Variants in BCL9 observed in about 807,000 individuals in gnomAD.
BCL9 encodes the protein B-cell CLL/lymphoma 9 protein.
Under a neutral mutation model 88.5 loss-of-function variants are expected in BCL9, and 25 were observed. The observed-to-expected ratio is 0.28, with a 90% CI of 0.21 to 0.39. The LOEUF (loss-of-function observed/expected upper bound fraction) is 0.39. BCL9 is among the 10% of genes least tolerant of loss of function. BCL9 has a pLI of 1.00. For synonymous variants in BCL9, 711 were observed against 673.3 expected, an observed-to-expected ratio of 1.06 and a Z score of -0.87; for missense variants, 1,817 against 1,877.8, an observed-to-expected ratio of 0.97 and a Z score of 0.60.
chr1:147,567,058 G>A (rs1236057060), intron 1 of BCL9, among the ~76,000 whole-genome samples: 1 of 152,134 alleles, frequency 6.6e-6, no homozygotes, highest in Admixed American at 6.5e-5. Context: ...TGGGTAAGGA[G>A]TTCATTCCAA....
chr1:147,561,278 G>A (rs587733368), intron 1 of BCL9, among the ~76,000 whole-genome samples: 27 of 152,236 alleles, frequency 1.8e-4, no homozygotes, highest in South Asian at 6.2e-4. Context: ...AACCTACCAC[G>A]GGGATTGAAG....
At chr1:147,571,881 T>C (rs782665467) in intron 1 of BCL9, among the ~76,000 whole-genome samples, 2 of 152,176 alleles carry the variant, frequency 1.3e-5, no homozygotes, top group Non-Finnish European at 2.9e-5. Context: ...AGGACTCTAT[T>C]CATTTTCTCT....
chr1:147,598,950 T>G (rs782343179), intron 1 of BCL9, among the ~76,000 whole-genome samples: 5 of 152,214 alleles, frequency 3.3e-5, no homozygotes, highest in Admixed American at 1.3e-4. Context: ...TGCCGTCATT[T>G]TTTCCTTCTG....
rs187405129 is a variant in BCL9 at position 147,626,128 on chromosome 1, C to T, written c.*1169C>T. The stretch of plus-strand genomic sequence containing the variant: ...TTTCCTCCCCCTCCCATGCGTAAGA[C>T]GTTCTGTGTAACCTCCATTAAATTT... On this transcript the variant is annotated 3_prime_UTR_variant, in exon 10 of 10. Transcript: ENST00000234739. The T allele has an allele frequency of 4.3e-5, 9 of 210,706 alleles. No homozygotes were observed. The highest frequency in any genetic ancestry group is 2.4e-4 in the Admixed American group (4 of 16,868). 13.1% of individuals were successfully genotyped at this position (210,706 alleles called of 1,614,324 possible). A position where few individuals can be genotyped will look rare whatever the true frequency, so the allele number is the denominator to read the frequency against.
At chr1:147,588,608 G>C (rs1189323532) in intron 1 of BCL9, among the ~76,000 whole-genome samples, 2 of 152,140 alleles carry the variant, frequency 1.3e-5, no homozygotes, top group Admixed American at 1.3e-4. Flanking sequence ...GGGGTGGGGC[G>C]AGGCCAGGAG....
chr1:147,544,405 CCTCT>C (rs113842878), intron 1 of BCL9, among the ~76,000 whole-genome samples: 14,348 of 152,072 alleles, frequency 0.094, 1,632 homozygotes, highest in African/African-American at 0.28. Flanking sequence ...ATTCTCCTTC[CCTCT>C]CTCACCATCC....
chr1:147,618,847 C>T lies in BCL9; in HGVS notation c.692C>T (p.Pro231Leu), dbSNP rs151130866. The change falls in exon 8 of 10, where the codon CCG becomes CTG. Residue 231 changes from proline to leucine, a missense_variant. Pro to Leu is a moderately conservative substitution (Grantham distance 98). Coordinates refer to ENST00000234739, the MANE Select transcript of BCL9 (RefSeq NM_004326.4). ...NTQISALRND[P>L]KPLPQQPPAP... ...CAGATATCTGCCCTTCGGAATGATC[C>T]GAAACCTCTCCCACAACAGCCCCCA... The T allele has an allele frequency of 2.3e-5, 36 of 1,581,390 alleles. No individual in the cohort carries two copies. The highest frequency in any genetic ancestry group is 5.9e-5 in the South Asian group (5 of 85,382).
intron 1 of BCL9, among the ~76,000 whole-genome samples, chr1:147,580,748 G>GTCC (rs1656328481): frequency 6.6e-6 from 1 of 152,100 alleles, no homozygotes; most frequent in Non-Finnish European, 1.5e-5. Context: ...TGTTTTCCTG[G>GTCC]TGGAGACCTT....
At chr1:147,560,675 G>A (rs1192788772) in intron 1 of BCL9, among the ~76,000 whole-genome samples, 1 of 151,692 alleles carries the variant, frequency 6.6e-6, no homozygotes, top group African/African-American at 2.4e-5. Flanking sequence ...GGGAGGCTAA[G>A]GGGGGTTGTG....
At chr1:147,614,040 C>A (rs912801507) in intron 5 of BCL9, among the ~76,000 whole-genome samples, 1 of 152,086 alleles carries the variant, frequency 6.6e-6, no homozygotes, top group Non-Finnish European at 1.5e-5. Context: ...AGCTGTTGTC[C>A]TCAAAGATTT....
At chr1:147,597,657 G>A (rs1428149620) in intron 1 of BCL9, among the ~76,000 whole-genome samples, 1 of 152,076 alleles carries the variant, frequency 6.6e-6, no homozygotes, top group Non-Finnish European at 1.5e-5. Context: ...AATTCAGAGG[G>A]CAAAAATTCT....
rs1658098238 is a variant in BCL9 at position 147,613,135 on chromosome 1, T to A, written c.306T>A (p.Ser102Arg). 1.2e-6 allele frequency: 2 copies of A among 1,614,098 alleles called. No homozygotes were observed. The highest frequency in any genetic ancestry group is 2.2e-5 in the South Asian group (2 of 91,076). ...AGGGCAAGGGGAAAAGGGAGCGAAG[T>A]ATTTCCGCCGACTCCTTTGATCAGA... ...GAKGKGKRER[S>R]ISADSFDQRD... Residue 102 changes from serine (S) to arginine (R), a missense_variant, in exon 5 of 10, where the codon AGT (serine) becomes AGA (arginine). Transcript: ENST00000234739.
chr1:147,576,727 T>C (rs1407210043), intron 1 of BCL9, among the ~76,000 whole-genome samples: 1 of 152,186 alleles, frequency 6.6e-6, no homozygotes, highest in African/African-American at 2.4e-5. Context: ...GAAGCCAAGC[T>C]GATAGGTTCC....
intron 1 of BCL9, among the ~76,000 whole-genome samples, chr1:147,582,504 T>G (rs1656410915): frequency 6.6e-6 from 1 of 152,190 alleles, no homozygotes. Flanking sequence ...GCCAAATTGA[T>G]TTCCAGAAAT....
rs1280749028 is a variant in BCL9, at chr1:147,625,950, C to T, written c.*991C>T. Reference sequence around the variant, plus strand: ...GTCTTTTTTCCCCCTAAGTCTTTCTCTTTCCCATCATACCCTTCCCTGCCC... The same window carrying T: ...GTCTTTTTTCCCCCTAAGTCTTTCTTTTTCCCATCATACCCTTCCCTGCCC... On this transcript the variant is annotated 3_prime_UTR_variant, in exon 10 of 10. Transcript: ENST00000234739. The T allele has an allele frequency of 4.3e-6, 1 of 232,704 alleles. No individual in the cohort carries two copies. Among genetic ancestry groups the T allele is most frequent in the African/African-American group, 2.2e-5 (1 of 45,284 alleles). 14.4% of individuals were successfully genotyped at this position (232,704 alleles called of 1,614,324 possible).
intron 7 of BCL9, among the ~76,000 whole-genome samples, chr1:147,618,423 A>G (rs1400645933): frequency 6.6e-6 from 1 of 152,182 alleles, no homozygotes; most frequent in Non-Finnish European, 1.5e-5. Context: ...CAGGGAAAAG[A>G]AAAAGGTGTT....
chr1:147,578,514 G>A (rs928214209), intron 1 of BCL9, among the ~76,000 whole-genome samples: 7 of 152,102 alleles, frequency 4.6e-5, no homozygotes, highest in Non-Finnish European at 8.8e-5. Flanking sequence ...TCAGGTATAT[G>A]CAAATATTTC....
At position 147,624,649 on chromosome 1, in the gene BCL9, A is replaced by T. The variant is rs1553206184; in HGVS notation, c.3971A>T (p.Gln1324Leu). ...NPMRPPAFLQQGMMGPHHRMM... is the reference protein window; with the variant it reads ...NPMRPPAFLQLGMMGPHHRMM... ...ATGAGACCACCAGCCTTTCTCCAAC[A>T]AGGCATGATGGGACCTCACCATCGG... is the stretch of plus-strand genomic sequence containing the variant. The change falls in exon 10 of 10, where the codon CAA becomes CTA. Residue 1324 changes from glutamine (Q) to leucine (L), a missense_variant. Physicochemically the swap from Gln to Leu is moderately radical, Grantham distance 113 (BLOSUM62 -2). Around this residue, in one of 2 missense-constraint regions of BCL9, gnomAD observed 589 missense variants for 686.2 expected, o/e 0.86. Transcript: ENST00000234739. This position sits in a 1 kb window ranked among gnomAD's most constrained non-coding sequence, Gnocchi z 4.4. The T allele has an allele frequency of 1.2e-6, 2 of 1,614,156 alleles. No homozygotes were observed. The highest frequency in any genetic ancestry group is 2.2e-5 in the South Asian group (2 of 91,076).
Position 147,624,438 on chromosome 1 carries a change from C to T in BCL9, c.3760C>T (p.Arg1254Ter). Residue 1254 changes from arginine (R) to a stop codon, truncating the protein, a stop_gained, in exon 10 of 10, where the codon CGA becomes TGA. Transcript: ENST00000234739. LOFTEE classifies it high-confidence loss of function. The surrounding 1 kb of genome is among the most constrained non-coding windows in gnomAD (Gnocchi z 4.4). ...CAGCCAGACGCTGCAATATTTCCCT[C>T]GAGGGGAAGTTCCAGGCCGTAAACA... ...KPSQTLQYFP[R>*]GEVPGRKQPQ... 3 of 1,614,188 alleles carry T rather than the reference C, an allele frequency of 1.9e-6. No individual in the cohort carries two copies. Among genetic ancestry groups the T allele is most frequent in the Non-Finnish European group, 2.5e-6 (3 of 1,180,034 alleles).
Sources: allele counts gnomAD v4.1 joint callset (sites outside exome capture counted in the v4.1 genomes callset), GRCh38; gene constraint gnomAD v4.1.1; regional missense constraint gnomAD v4.1.1; non-coding constraint Gnocchi (gnomAD v3.1); transcripts MANE v1.5; gene names NCBI Gene and HGNC (gene_info 2026-07-23, HGNC 2026-07-21).